Variants in TP63 observed in about 807,000 individuals in gnomAD.
The protein encoded by TP63 is tumor protein p63, also known as tumor protein 63.
TP63 carries 17 observed loss-of-function variants against 82.8 expected under a neutral mutation model. The ratio of observed to expected loss-of-function variants is 0.21; its 90% CI spans 0.14 to 0.31. TP63 has a LOEUF of 0.31. Among genes scored for constraint, TP63 ranks in the 10% least tolerant of loss-of-function variants. The pLI, the probability that TP63 is intolerant of heterozygous loss-of-function variation, is 1.00. For missense variants in TP63, 648 were observed against 895.3 expected (o/e 0.72, Z 3.52); for synonymous variants, 330 against 321.7 (o/e 1.03, Z -0.28).
intron 5 of TP63, 139 bp downstream of exon 5, chr3:189,864,557 T>C: frequency 1.2e-6 from 1 of 860,106 alleles, no homozygotes; most frequent in Non-Finnish European, 1.7e-6. Context: ...TTTTTTTTTT[T>C]TTTTTTTTGG....
chr3:189,722,431 G>A (rs910493256), intron 1 of TP63, among the ~76,000 whole-genome samples: 2 of 152,160 alleles, frequency 1.3e-5, no homozygotes, highest in Non-Finnish European at 2.9e-5. Flanking sequence ...TAAAATGCAC[G>A]ATAGAATCTT....
chr3:189,877,166 T>C (rs868601711), intron 10 of TP63, among the ~76,000 whole-genome samples: 14 of 152,228 alleles, frequency 9.2e-5, no homozygotes, highest in South Asian at 4.1e-4. Context: ...CAAATTGTTA[T>C]AGATACAAGT....
chr3:189,759,597 A>G (rs1577361847), intron 3 of TP63, among the ~76,000 whole-genome samples: 1 of 152,334 alleles, frequency 6.6e-6, no homozygotes, highest in African/African-American at 2.4e-5. Flanking sequence ...GAAAAATGGG[A>G]CAAATTGAAG....
At chr3:189,762,113 T>G (rs537785627) in intron 3 of TP63, among the ~76,000 whole-genome samples, 19 of 152,354 alleles carry the variant, frequency 1.2e-4, no homozygotes, top group Admixed American at 1.2e-3. Context: ...CTTTAAAATA[T>G]ACTAGACTTT....
intron 1 of TP63, among the ~76,000 whole-genome samples, chr3:189,719,084 T>C (rs1364285980): frequency 1.3e-5 from 2 of 151,468 alleles, no homozygotes; most frequent in Non-Finnish European, 2.9e-5. Context: ...AAGAGGAAAA[T>C]AGCAGCAAGA....
At chr3:189,714,767 T>G (rs558017931) in intron 1 of TP63, among the ~76,000 whole-genome samples, 1 of 152,136 alleles carries the variant, frequency 6.6e-6, no homozygotes, top group African/African-American at 2.4e-5. Flanking sequence ...CTTCTCAGAG[T>G]TAGAGTCATT....
intron 4 of TP63, among the ~76,000 whole-genome samples, chr3:189,858,751 C>A (rs116664021): frequency 6.6e-6 from 1 of 152,022 alleles, no homozygotes; most frequent in African/African-American, 2.4e-5. Flanking sequence ...TGTACTGCAG[C>A]CTGAGTGACA....
At chr3:189,675,782 C>T (rs1455751921) in intron 1 of TP63, among the ~76,000 whole-genome samples, 1 of 152,100 alleles carries the variant, frequency 6.6e-6, no homozygotes, top group Non-Finnish European at 1.5e-5. Context: ...AGTATGGTGT[C>T]ACTTATGTCT....
chr3:189,597,198 CAG>C, the TP63 span, among the ~76,000 whole-genome samples: 2 of 152,196 alleles, frequency 1.3e-5, no homozygotes, highest in Admixed American at 1.3e-4. Flanking sequence ...GTGCTGGGAA[CAG>C]AGAGACTGGA....
intron 1 of TP63, among the ~76,000 whole-genome samples, chr3:189,682,404 G>T (rs1715992775): frequency 6.8e-6 from 1 of 146,522 alleles, no homozygotes; most frequent in Admixed American, 6.8e-5. Context: ...TAGGAGGGGG[G>T]TACCTTTCTT....
chr3:189,862,431 G>C (rs999938248), intron 4 of TP63, among the ~76,000 whole-genome samples: 1 of 151,576 alleles, frequency 6.6e-6, no homozygotes, highest in South Asian at 2.1e-4. Context: ...GTACTCTCTC[G>C]AGCTTGATTT....
At chr3:189,889,236 G>C in intron 11 of TP63, 104 bp from the exon 12 acceptor site, 1 of 1,526,202 alleles carries the variant, frequency 6.6e-7, no homozygotes. Flanking sequence ...AGGAAGGCTG[G>C]TAGTTTAGGC....
At chr3:189,742,597 T>C (rs1297388445) in intron 3 of TP63, among the ~76,000 whole-genome samples, 1 of 152,204 alleles carries the variant, frequency 6.6e-6, no homozygotes, top group East Asian at 1.9e-4. Flanking sequence ...AGCTTATTTG[T>C]GTCTGGAAAG....
chr3:189,651,586 G>T (rs930343854), intron 1 of TP63, among the ~76,000 whole-genome samples: 2 of 145,494 alleles, frequency 1.4e-5, no homozygotes, highest in Non-Finnish European at 3.0e-5. Flanking sequence ...AACCCATTTT[G>T]GGGGGAGAAA....
At chr3:189,894,113 A>C in intron 13 of TP63, 93 bp from the exon 14 acceptor site, 1 of 1,475,950 alleles carries the variant, frequency 6.8e-7, no homozygotes, top group Non-Finnish European at 9.4e-7. Context: ...GATCAATTAA[A>C]CCAGAGCATC....
At chr3:189,658,976 T>G (rs2108649732) in intron 1 of TP63, among the ~76,000 whole-genome samples, 1 of 152,156 alleles carries the variant, frequency 6.6e-6, no homozygotes, top group East Asian at 1.9e-4. Context: ...TGAGTCAGGG[T>G]AAAGGGAAAC....
chr3:189,859,948 T>C (rs1716814922), intron 4 of TP63, among the ~76,000 whole-genome samples: 1 of 152,128 alleles, frequency 6.6e-6, no homozygotes, highest in African/African-American at 2.4e-5. Context: ...AACAGGTACA[T>C]GATTGTTGAG....
intron 1 of TP63, among the ~76,000 whole-genome samples, chr3:189,645,753 G>C (rs1712372354): frequency 6.8e-6 from 1 of 146,354 alleles, no homozygotes. Flanking sequence ...AGAACATGCA[G>C]TGTTTGGTTT....
chr3:189,792,916 A>G (rs1321511539), intron 3 of TP63, among the ~76,000 whole-genome samples: 1 of 152,040 alleles, frequency 6.6e-6, no homozygotes, highest in East Asian at 1.9e-4. Context: ...CTGTCCTAGT[A>G]CTATTTCTAC....
Sources: allele counts gnomAD v4.1 joint callset (sites outside exome capture counted in the v4.1 genomes callset), GRCh38; gene constraint gnomAD v4.1.1; transcripts MANE v1.5; gene names NCBI Gene and HGNC (gene_info 2026-07-23, HGNC 2026-07-21).